Variants in ESRRB observed in about 807,000 individuals in gnomAD.
ESRRB encodes estrogen related receptor beta, also known as steroid hormone receptor ERR2.
ESRRB carries 16 observed loss-of-function variants against 46.0 expected under a neutral mutation model. The ratio of observed to expected loss-of-function variants is 0.35; its 90% confidence interval spans 0.24 to 0.53. The LOEUF (loss-of-function observed/expected upper bound fraction) is 0.53, where lower values mean the gene tolerates loss of function less well. Ranked by LOEUF, ESRRB falls within the 20% of genes least tolerant of loss-of-function variation. ESRRB has a pLI of 0.93. For synonymous variants in ESRRB, 246 were observed against 259.6 expected, an observed-to-expected ratio of 0.95 and a Z score of 0.50; for missense variants, 488 against 607.4, an observed-to-expected ratio of 0.80 and a Z score of 2.07.
chr14:76,377,660 C>T (rs1484802784), intron 1 of ESRRB, among the ~76,000 whole-genome samples: 1 of 152,136 alleles, frequency 6.6e-6, no homozygotes, highest in African/African-American at 2.4e-5. Flanking sequence ...GTGTACCACT[C>T]GCTCTCCCCC....
chr14:76,450,658 GA>G (rs1888347301), intron 2 of ESRRB, among the ~76,000 whole-genome samples: 3 of 152,292 alleles, frequency 2.0e-5, no homozygotes, highest in Admixed American at 2.0e-4. Flanking sequence ...GGGGAAGGGG[GA>G]TGATTGATGG....
At chr14:76,462,179 G>GGTT (rs935900922) in intron 2 of ESRRB, among the ~76,000 whole-genome samples, 14 of 152,034 alleles carry the variant, frequency 9.2e-5, no homozygotes, top group Non-Finnish European at 1.3e-4. Flanking sequence ...TGGTGGTGGT[G>GGTT]GTGGTGGTAG....
At chr14:76,498,082 G>T in intron 6 of ESRRB, 132 bp from the exon 7 acceptor site, 1 of 1,051,130 alleles carries the variant, frequency 9.5e-7, no homozygotes, top group Non-Finnish European at 1.5e-6. Flanking sequence ...GCCTCAGATT[G>T]GCTCTCTGTG....
At chr14:76,441,389 A>G (rs1461919298) in intron 2 of ESRRB, among the ~76,000 whole-genome samples, 1 of 152,140 alleles carries the variant, frequency 6.6e-6, no homozygotes, top group Non-Finnish European at 1.5e-5. Context: ...TAAATTGGGG[A>G]GAATGGTGGG....
intron 3 of ESRRB, among the ~76,000 whole-genome samples, chr14:76,468,414 C>CT: frequency 7.6e-6 from 1 of 131,254 alleles, no homozygotes; most frequent in Admixed American, 8.1e-5. Flanking sequence ...ACCACCACCC[C>CT]CCAAACACGC....
At chr14:76,415,570 G>C (rs1886661819) in intron 1 of ESRRB, among the ~76,000 whole-genome samples, 1 of 152,202 alleles carries the variant, frequency 6.6e-6, no homozygotes, top group South Asian at 2.1e-4. Flanking sequence ...TGAGACAGAA[G>C]AATCACTTGA....
chr14:76,353,457 C>T (rs1884338464), intron 1 of ESRRB, among the ~76,000 whole-genome samples: 1 of 152,232 alleles, frequency 6.6e-6, no homozygotes, highest in Non-Finnish European at 1.5e-5. Context: ...CCCTGCCTGC[C>T]TCTGTGTGGG....
intron 1 of ESRRB, among the ~76,000 whole-genome samples, chr14:76,438,860 G>A (rs1887783692): frequency 6.6e-6 from 1 of 152,048 alleles, no homozygotes; most frequent in South Asian, 2.1e-4. Context: ...GAACGTAGGG[G>A]TGCGATCATA....
chr14:76,439,083 G>A (rs1887797191), intron 1 of ESRRB, among the ~76,000 whole-genome samples: 1 of 152,092 alleles, frequency 6.6e-6, no homozygotes, highest in Admixed American at 6.5e-5. Context: ...ATTTACAGGT[G>A]TGAGCCACCA....
rs141006016 is a variant in ESRRB, at chr14:76,335,572, G to T, written c.2+24656G>T. ...CTGCTTTCACAGAGTGTACAGTTAG[G>T]TGAAAAGGAAACAAACCAGCAGGTG... is the stretch of plus-strand genomic sequence containing the variant. On this transcript the variant is annotated intron_variant, in intron 1 of 6. Transcript: ENST00000512784. Among the ~76,000 whole-genome samples the T allele has an allele frequency of 3.9e-5, 6 of 152,338 alleles. No individual in the cohort carries two copies. The East Asian group carries it at 1.2e-3, about 29-fold the overall frequency.
rs1402160834 is a variant in ESRRB, at chr14:76,482,031, G to A, written c.593G>A (p.Arg198Gln). The A allele has an allele frequency of 3.1e-6, 5 of 1,614,134 alleles. No individual in the cohort carries two copies. The highest frequency in any genetic ancestry group is 1.1e-5 in the South Asian group (1 of 91,076). ...TCCCCAATAGGTGTGCGCCTTGATC[G>A]AGTGCGTGGAGGCCGTCAGAAATAC... ...GMLKEGVRLD[R>Q]VRGGRQKYKR... Residue 198 changes from arginine to glutamine, a missense_variant, in exon 4 of 7, where the codon CGA (arginine) becomes CAA (glutamine). Physicochemically the swap from Arg to Gln is conservative, Grantham distance 43. Transcript: ENST00000644823. This position sits in a 1 kb window ranked among gnomAD's most constrained non-coding sequence, Gnocchi z 4.3.
chr14:76,492,864 C>T (rs1039601340), intron 6 of ESRRB, among the ~76,000 whole-genome samples: 141 of 152,206 alleles, frequency 9.3e-4, no homozygotes, highest in Non-Finnish European at 1.9e-4. Context: ...ATGTAACCAA[C>T]ATCCACACTT....
intron 3 of ESRRB, among the ~76,000 whole-genome samples, chr14:76,465,819 G>A (rs1002126725): frequency 6.6e-6 from 1 of 152,256 alleles, no homozygotes; most frequent in Non-Finnish European, 1.5e-5. Context: ...AGATCCAAGA[G>A]CGGGGAGATG....
intron 1 of ESRRB, among the ~76,000 whole-genome samples, chr14:76,315,742 C>T (rs1488514277): frequency 2.0e-5 from 3 of 152,186 alleles, no homozygotes; most frequent in Non-Finnish European, 4.4e-5. Flanking sequence ...CCATGCAGAG[C>T]TCTGTGTCAG....
At chr14:76,324,969 T>TC (rs1166589817) in intron 1 of ESRRB, among the ~76,000 whole-genome samples, 1 of 92,920 alleles carries the variant, frequency 1.1e-5, no homozygotes, top group African/African-American at 3.2e-5. Flanking sequence ...TTTTCTTTTT[T>TC]TTTTTTTTTT....
At chr14:76,358,326 AG>A (rs767136165) in intron 1 of ESRRB, among the ~76,000 whole-genome samples, 19,181 of 33,674 alleles carry the variant, frequency 0.57, 4,881 homozygotes, top group Admixed American at 0.61. Context: ...AAAAAAAAAA[AG>A]AAAGAAAGAA....
At chr14:76,406,782 A>C (rs1224103588) in intron 1 of ESRRB, among the ~76,000 whole-genome samples, 1 of 152,166 alleles carries the variant, frequency 6.6e-6, no homozygotes, top group Non-Finnish European at 1.5e-5. Flanking sequence ...CCAGTGCCCC[A>C]TCCTTGCCCA....
intron 1 of ESRRB, among the ~76,000 whole-genome samples, chr14:76,424,237 C>G (rs538046318): frequency 1.2e-3 from 183 of 152,332 alleles, no homozygotes; most frequent in African/African-American, 4.3e-3. Flanking sequence ...GAGATCAGAA[C>G]AGGGTTCTCA....
intron 1 of ESRRB, among the ~76,000 whole-genome samples, chr14:76,340,535 G>A (rs553823407): frequency 2.0e-5 from 3 of 152,284 alleles, no homozygotes; most frequent in African/African-American, 4.8e-5. Flanking sequence ...ACATGGAGAC[G>A]GTTCTACCTC....
Sources: allele counts gnomAD v4.1 joint callset (sites outside exome capture counted in the v4.1 genomes callset), GRCh38; gene constraint gnomAD v4.1.1; non-coding constraint Gnocchi (gnomAD v3.1); transcripts MANE v1.5; gene names NCBI Gene and HGNC (gene_info 2026-07-23, HGNC 2026-07-21).